The following CHRM3 variants were observed in gnomAD, a reference collection of about 807,000 sequenced individuals.
The protein encoded by CHRM3 is cholinergic receptor muscarinic 3.
In CHRM3, 11 loss-of-function variants were observed where a neutral mutation model predicts 41.8. The ratio of observed to expected loss-of-function variants is 0.26; its 90% CI spans 0.17 to 0.44. The LOEUF is 0.44. Ranked by LOEUF, CHRM3 falls within the 20% of genes least tolerant of loss-of-function variation. The pLI is 1.00. For missense variants in CHRM3, 571 were observed against 745.4 expected (o/e 0.77, Z 2.72); for synonymous variants, 297 against 301.4 (o/e 0.99, Z 0.15).
At chr1:239,478,590 T>C (rs1407543404) in intron 1 of CHRM3, among the ~76,000 whole-genome samples, 1 of 152,128 alleles carries the variant, frequency 6.6e-6, no homozygotes, top group Non-Finnish European at 1.5e-5. Flanking sequence ...AAGAATCCAG[T>C]GTAAATATTA....
intron 4 of CHRM3, among the ~76,000 whole-genome samples, chr1:239,664,950 T>C (rs1435591954): frequency 2.0e-5 from 3 of 152,090 alleles, no homozygotes; most frequent in African/African-American, 7.2e-5. Flanking sequence ...ACCTGTCACC[T>C]GCTGTTCTGA....
intron 1 of CHRM3, among the ~76,000 whole-genome samples, chr1:239,399,503 T>A (rs1659782342): frequency 6.6e-6 from 1 of 152,094 alleles, no homozygotes; most frequent in South Asian, 2.1e-4. Flanking sequence ...TCCCCAACCA[T>A]CACCCCTTCC....
intron 6 of CHRM3, among the ~76,000 whole-genome samples, chr1:239,839,561 G>GTGAT (rs1299935288): frequency 1.4e-4 from 22 of 152,346 alleles, no homozygotes; most frequent in African/African-American, 4.8e-4. Flanking sequence ...GCAGAAAAGA[G>GTGAT]TGATTGGGTC....
intron 3 of CHRM3, among the ~76,000 whole-genome samples, chr1:239,589,016 T>A (rs1663754311): frequency 6.6e-6 from 1 of 152,030 alleles, no homozygotes; most frequent in African/African-American, 2.4e-5. Flanking sequence ...TCACTGCGAC[T>A]TCTGCTTCCC....
At chr1:239,779,523 C>T (rs543144746) in intron 5 of CHRM3, among the ~76,000 whole-genome samples, 9 of 152,298 alleles carry the variant, frequency 5.9e-5, no homozygotes, top group African/African-American at 9.6e-5. Context: ...CACTTGAGGC[C>T]GGGAGTTTGA....
chr1:239,580,700 T>TAC (rs1662799491), intron 3 of CHRM3, among the ~76,000 whole-genome samples: 1 of 125,682 alleles, frequency 8.0e-6, no homozygotes, highest in African/African-American at 2.9e-5. Flanking sequence ...TATATATATA[T>TAC]ATATACACAC....
intron 1 of CHRM3, among the ~76,000 whole-genome samples, chr1:239,409,029 A>T (rs1326878497): frequency 6.6e-6 from 1 of 151,704 alleles, no homozygotes; most frequent in Non-Finnish European, 1.5e-5. Context: ...ACTTTAACAT[A>T]ACTAAATATT....
At chr1:239,783,040 G>A (rs968137045) in intron 5 of CHRM3, among the ~76,000 whole-genome samples, 2 of 151,818 alleles carry the variant, frequency 1.3e-5, no homozygotes. Context: ...CTATTTTGGT[G>A]AATGCTTCAT....
At chr1:239,764,323 G>A (rs1052067890) in intron 5 of CHRM3, among the ~76,000 whole-genome samples, 7 of 152,252 alleles carry the variant, frequency 4.6e-5, no homozygotes, top group South Asian at 4.1e-4. Flanking sequence ...ACACTAGTTC[G>A]AAGAATTATC....
chr1:239,438,669 A>C (rs6677208), intron 1 of CHRM3, among the ~76,000 whole-genome samples: 7,750 of 152,266 alleles, frequency 0.051, 654 homozygotes, highest in African/African-American at 0.17. Flanking sequence ...CTACAAAAAG[A>C]TTTAAGAGCT....
At position 239,905,214 on chromosome 1, in the gene CHRM3, G is replaced by C. The variant is rs144733189; in HGVS notation, c.-19-2219G>C. 8.4e-3 allele frequency among the ~76,000 whole-genome samples: 1,273 copies of C among 152,232 alleles called. 15 individuals are homozygous for C. Among genetic ancestry groups the C allele is most frequent in the African/African-American group, 0.028 (1,174 of 41,546 alleles). On this transcript the variant is annotated intron_variant, in intron 6 of 6. Transcript: ENST00000676153. ...GTGATGATTTTTAACCAGCTAGGAG[G>C]TGCTAGTTGTATAGGACACCTGGAA...
At position 239,910,673 on chromosome 1, in the gene CHRM3, C is replaced by G. The variant is rs2103062277; in HGVS notation, c.*1449C>G. ...TGGGGAGGGGATGGGGTGCTGCCAT[C>G]ATTGTCGTTGTTGTTGCTGCTGTAG... On this transcript the variant is annotated 3_prime_UTR_variant, in exon 7 of 7. Transcript: ENST00000676153. 1 of 163,956 alleles carries G rather than the reference C, an allele frequency of 6.1e-6. No homozygotes were observed. Among genetic ancestry groups the G allele is most frequent in the Admixed American group, 6.7e-5 (1 of 14,986 alleles). The allele number at this position is 163,956 out of a possible 1,614,324, so 10.2% of individuals were successfully genotyped here. A position where few individuals can be genotyped will look rare whatever the true frequency, so the allele number is the denominator to read the frequency against.
intron 4 of CHRM3, among the ~76,000 whole-genome samples, chr1:239,640,967 C>T (rs1299534614): frequency 4.6e-5 from 7 of 150,942 alleles, no homozygotes; most frequent in African/African-American, 1.7e-4. Context: ...TATGTTGTGT[C>T]TTTGTTCTCA....
At chr1:239,574,776 T>A (rs1662169258) in intron 3 of CHRM3, among the ~76,000 whole-genome samples, 1 of 152,068 alleles carries the variant, frequency 6.6e-6, no homozygotes, top group Non-Finnish European at 1.5e-5. Context: ...TTCTCCTTCT[T>A]TTTCATCTTT....
intron 5 of CHRM3, among the ~76,000 whole-genome samples, chr1:239,752,205 C>T (rs1478329054): frequency 1.3e-5 from 2 of 152,134 alleles, no homozygotes; most frequent in Non-Finnish European, 2.9e-5. Flanking sequence ...ATGGAAGCAG[C>T]GCCCATCAGG....
intron 5 of CHRM3, chr1:239,718,811 TA>T (rs1314080899): frequency 6.6e-6 from 1 of 152,004 alleles, no homozygotes; most frequent in African/African-American, 2.4e-5. Context: ...CATGAGCTAG[TA>T]AGTTTGAAGG....
intron 5 of CHRM3, among the ~76,000 whole-genome samples, chr1:239,740,744 T>C (rs1316794661): frequency 1.3e-5 from 2 of 152,012 alleles, no homozygotes; most frequent in African/African-American, 4.8e-5. Flanking sequence ...ATTAGCGAAA[T>C]GCAAATCAAA....
chr1:239,798,816 C>G (rs780436501), intron 5 of CHRM3, among the ~76,000 whole-genome samples: 125 of 152,250 alleles, frequency 8.2e-4, no homozygotes, highest in Admixed American at 1.9e-3. Context: ...AAATTAGGTG[C>G]TGGTAAGTAG....
chr1:239,904,335 C>T (rs1428496772), intron 6 of CHRM3, among the ~76,000 whole-genome samples: 1 of 152,064 alleles, frequency 6.6e-6, no homozygotes, highest in African/African-American at 2.4e-5. Context: ...GCGTATGGGG[C>T]CGAGAGCATT....
Sources: allele counts gnomAD v4.1 joint callset (sites outside exome capture counted in the v4.1 genomes callset), GRCh38; gene constraint gnomAD v4.1.1; transcripts MANE v1.5; gene names NCBI Gene and HGNC (gene_info 2026-07-23, HGNC 2026-07-21).